KIAA0930: variants seen among roughly 807,000 people sequenced by gnomAD.
The protein encoded by KIAA0930 is uncharacterized protein KIAA0930.
In KIAA0930, 24 loss-of-function variants were observed where a neutral mutation model predicts 43.9. The ratio of observed to expected loss-of-function variants is 0.55; its 90% CI spans 0.40 to 0.77. The LOEUF is 0.77. Among genes scored for constraint, KIAA0930 ranks in the 30% least tolerant of loss-of-function variants. The probability of loss-of-function intolerance (pLI) is 0.00; values close to 1 mark genes in which losing one functional copy is unlikely to be tolerated. For missense variants in KIAA0930, 461 were observed against 574.2 expected (o/e 0.80, Z 2.02); for synonymous variants, 259 against 216.4 (o/e 1.20, Z -1.73).
At position 45,234,794 on chromosome 22, in the gene KIAA0930, G is replaced by C. The variant is rs571249406; in HGVS notation, c.64+5846C>G. 1.3e-3 allele frequency among the ~76,000 whole-genome samples: 203 copies of C among 152,194 alleles called. 1 individual carries two copies. The highest frequency in any genetic ancestry group is 2.0e-3 in the Non-Finnish European group (138 of 68,032). ...CTCTCGAGCAGGCATTTAATGTTTG[G>C]AGTCTGAGCAACATGGGAAATGTGT... On this transcript the variant is annotated intron_variant, in intron 1 of 9. Coordinates refer to ENST00000336156, the MANE Select transcript of KIAA0930 (RefSeq NM_001009880.2).
chr22:45,212,160 C>T (rs1475706959), intron 1 of KIAA0930, 53 bp from the exon 2 acceptor site: 41 of 1,613,476 alleles, frequency 2.5e-5, no homozygotes, highest in Non-Finnish European at 3.1e-5. Flanking sequence ...CTGGCCCTTG[C>T]AGCATGGCCT....
chr22:45,237,716 G>T (rs1300358991), intron 1 of KIAA0930, among the ~76,000 whole-genome samples: 1 of 152,192 alleles, frequency 6.6e-6, no homozygotes, highest in Non-Finnish European at 1.5e-5. Context: ...TGTCACAGAG[G>T]TGAAGTGGAG....
intron 2 of KIAA0930, 24 bp downstream of exon 2, chr22:45,211,932 G>A (rs576628260): frequency 3.1e-6 from 5 of 1,604,152 alleles, no homozygotes; most frequent in East Asian, 2.2e-5. Flanking sequence ...ACAGACGCAG[G>A]GGCAGGGGCC....
rs2083511040 is a variant in KIAA0930, at chr22:45,193,762, T to A, written c.*3414A>T. 1 of 152,246 alleles carries A rather than the reference T, an allele frequency of 6.6e-6. No individual in the cohort carries two copies. The highest frequency in any genetic ancestry group is 1.5e-5 in the Non-Finnish European group (1 of 68,050). 9.4% of individuals were successfully genotyped at this position (152,246 alleles called of 1,614,324 possible). On this transcript the variant is annotated 3_prime_UTR_variant, in exon 10 of 10. Coordinates refer to ENST00000336156, the MANE Select transcript of KIAA0930 (RefSeq NM_001009880.2). ...TTCTTTTGAAATAATAAGCCTTAGC[T>A]GGCTTTGCAGGCAACTAGGCACTTC... is the stretch of plus-strand genomic sequence containing the variant.
intron 5 of KIAA0930, 60 bp downstream of exon 5, chr22:45,205,157 G>A (rs1043446699): frequency 5.6e-5 from 78 of 1,384,474 alleles, no homozygotes; most frequent in Admixed American, 1.7e-4. Context: ...GGGGAGAAGC[G>A]CCTAACACCC....
At chr22:45,207,620 A>C (rs11703294) in intron 2 of KIAA0930, 1 of 168,388 alleles carries the variant, frequency 5.9e-6, no homozygotes, top group East Asian at 1.9e-4. Context: ...CACCGCGCCC[A>C]GCCTGGCTTT....
In KIAA0930 at chr22:45,212,518, C is replaced by T. The variant is rs1194191247; in HGVS notation, c.65-411G>A. ...GGAGAGGCAGGGCTCTCACCAACAT[C>T]TCTCACCCCCACCCACTCCCCCTGG... On this transcript the variant is annotated intron_variant, in intron 1 of 9. Coordinates refer to ENST00000336156, the MANE Select transcript of KIAA0930 (RefSeq NM_001009880.2). The T allele has an allele frequency of 2.8e-6, 4 of 1,417,164 alleles. No homozygotes were observed. The East Asian group carries it at 7.7e-5, about 27-fold the overall frequency. The allele number at this position is 1,417,164 out of a possible 1,614,324, so 87.8% of individuals were successfully genotyped here.
At chr22:45,212,481 G>T (rs564248257) in intron 1 of KIAA0930, 36 of 1,438,040 alleles carry the variant, frequency 2.5e-5, no homozygotes, top group African/African-American at 1.7e-4. Flanking sequence ...GCTTGGCTGG[G>T]GGGGAGCCTT....
intron 1 of KIAA0930, among the ~76,000 whole-genome samples, chr22:45,230,250 A>C (rs2083844077): frequency 1.3e-5 from 2 of 152,160 alleles, no homozygotes; most frequent in Non-Finnish European, 2.9e-5. Flanking sequence ...GCAGCGAGTC[A>C]CGTCTTGGTC....
intron 8 of KIAA0930, 73 bp downstream of exon 8, chr22:45,199,800 G>A: frequency 1.5e-6 from 2 of 1,320,194 alleles, no homozygotes; most frequent in East Asian, 5.4e-5. Flanking sequence ...ATGAATAAAT[G>A]AATGAATGAC....
At chr22:45,225,840 G>A (rs1424485494) in intron 1 of KIAA0930, among the ~76,000 whole-genome samples, 1 of 152,286 alleles carries the variant, frequency 6.6e-6, no homozygotes, top group Non-Finnish European at 1.5e-5. Flanking sequence ...GATCCTGAGA[G>A]GTAAGAATAA....
At chr22:45,234,123 T>C (rs2083871478) in intron 1 of KIAA0930, among the ~76,000 whole-genome samples, 1 of 152,204 alleles carries the variant, frequency 6.6e-6, no homozygotes, top group Non-Finnish European at 1.5e-5. Flanking sequence ...GCACATGTAC[T>C]GACCCTGAGG....
chr22:45,205,415 G>A (rs1236397268), intron 4 of KIAA0930, 97 bp from the exon 5 acceptor site: 3 of 1,123,108 alleles, frequency 2.7e-6, no homozygotes, highest in Non-Finnish European at 4.0e-6. Flanking sequence ...CCGGCCCAGA[G>A]CCAGTCCAAA....
intron 9 of KIAA0930, 21 bp from the exon 10 acceptor site, chr22:45,197,237 G>C: frequency 6.5e-7 from 1 of 1,548,954 alleles, no homozygotes; most frequent in Non-Finnish European, 8.7e-7. Context: ...CAGGAGGGAA[G>C]CAGGTGAAAC....
Position 45,194,878 on chromosome 22 carries a change from CCT to C in KIAA0930, c.*2296_*2297del, listed in dbSNP as rs2083522470. On this transcript the variant is annotated 3_prime_UTR_variant, in exon 10 of 10. Transcript: ENST00000336156. Reference sequence around the variant, plus strand: ...CTGGGTTTGACTCCCATCGCCGGCCCCTGCTGTTAGTTCCGGACAGTTCCTTG... The same window carrying C: ...CTGGGTTTGACTCCCATCGCCGGCCCGCTGTTAGTTCCGGACAGTTCCTTG... The C allele has an allele frequency of 6.6e-6, 1 of 152,226 alleles. No individual in the cohort carries two copies. The highest frequency in any genetic ancestry group is 2.4e-5 in the African/African-American group (1 of 41,444). 9.4% of individuals were successfully genotyped at this position (152,226 alleles called of 1,614,324 possible).
chr22:45,213,656 G>A lies in KIAA0930; in HGVS notation c.65-1549C>T, dbSNP rs572400889. 1.2e-4 allele frequency among the ~76,000 whole-genome samples: 18 copies of A among 152,278 alleles called. No individual in the cohort carries two copies. The South Asian group carries it at 3.7e-3, about 32-fold the overall frequency. On this transcript the variant is annotated intron_variant, in intron 1 of 9. Transcript: ENST00000336156. ...TTCTTTTTTACTTCCTCTTTACATT[G>A]CTTCACTTTTGGTTCCCTCTTAGAG...
At chr22:45,226,318 G>A (rs764963587) in intron 1 of KIAA0930, 8 of 471,026 alleles carry the variant, frequency 1.7e-5, no homozygotes, top group African/African-American at 2.0e-5. Context: ...CACCTGGCAA[G>A]CTCGTGGGGT....
Position 45,202,996 on chromosome 22 carries a change from G to A in KIAA0930, c.846C>T (p.His282=), listed in dbSNP as rs372186039. The A allele has an allele frequency of 6.6e-5, 106 of 1,607,722 alleles. No individual in the cohort carries two copies. The highest frequency in any genetic ancestry group is 7.6e-5 in the Non-Finnish European group (89 of 1,177,082). The change falls in exon 7 of 10, where the codon CAC becomes CAT. Residue 282 remains histidine, a synonymous_variant. Transcript: ENST00000336156. The part of the protein sequence containing the change: ...EEDSSPASPM[H]ERVTSFSTPP... ...CCAGCTGTGCAGCCCTTACCCGCTC[G>A]TGCATGGGCGAAGCTGGGCTGGAGT...
intron 2 of KIAA0930, chr22:45,207,879 G>A (rs1054578976): frequency 5.9e-6 from 1 of 169,112 alleles, no homozygotes. Context: ...CAGTCACCCC[G>A]AGCCCCTGAG....
Sources: allele counts gnomAD v4.1 joint callset (sites outside exome capture counted in the v4.1 genomes callset), GRCh38; gene constraint gnomAD v4.1.1; transcripts MANE v1.5; gene names NCBI Gene and HGNC (gene_info 2026-07-23, HGNC 2026-07-21).